ASCC1: variants seen among roughly 807,000 people sequenced by gnomAD.
The protein encoded by ASCC1 is ASC-1 complex subunit P50.
A neutral mutation model predicts 46.6 loss-of-function variants in ASCC1; 35 were observed. The observed-to-expected ratio is 0.75, with a 90% confidence interval of 0.57 to 0.99. The LOEUF is 0.99. ASCC1 is among the 50% of genes least tolerant of loss of function. ASCC1 has a pLI of 0.00. For synonymous variants in ASCC1, 143 were observed against 146.6 expected, an observed-to-expected ratio of 0.98 and a Z score of 0.18; for missense variants, 376 against 428.7, an observed-to-expected ratio of 0.88 and a Z score of 1.09.
intron 4 of ASCC1, among the ~76,000 whole-genome samples, chr10:72,198,960 G>A (rs937905121): frequency 1.5e-4 from 22 of 150,408 alleles, no homozygotes; most frequent in African/African-American, 5.4e-4. Flanking sequence ...GGGATTACAG[G>A]CACGTGCCAC....
At chr10:72,175,006 T>G (rs1407686870) in intron 5 of ASCC1, among the ~76,000 whole-genome samples, 1 of 152,250 alleles carries the variant, frequency 6.6e-6, no homozygotes, top group Non-Finnish European at 1.5e-5. Context: ...TCCCCTATAC[T>G]CGTTGTATTT....
intron 5 of ASCC1, among the ~76,000 whole-genome samples, chr10:72,191,732 C>T (rs904914896): frequency 8.6e-5 from 13 of 151,886 alleles, no homozygotes; most frequent in African/African-American, 3.1e-4. Context: ...CTGCAACCTC[C>T]GCCTCCCAGG....
chr10:72,170,593 C>CAAAAA (rs1038487604), intron 5 of ASCC1, among the ~76,000 whole-genome samples: 6 of 58,742 alleles, frequency 1.0e-4, no homozygotes, highest in African/African-American at 2.0e-4. Context: ...GACTGTATCT[C>CAAAAA]AAAAAAAAAA....
rs144082052 is a variant in ASCC1 at position 72,108,122 on chromosome 10, G to C, written c.958-10672C>G. Among the ~76,000 whole-genome samples, 603 of 148,684 alleles carry C rather than the reference G, an allele frequency of 4.1e-3. 9 individuals are homozygous for C. Among genetic ancestry groups the C allele is most frequent in the African/African-American group, 0.013 (537 of 40,286 alleles). On this transcript the variant is annotated intron_variant, in intron 9 of 9. Transcript: ENST00000672957. ...AACAAGGTCTTACTCTGTCAGCCAG[G>C]CTGGAGTGCAGTGGCGTGATCACAG...
intron 1 of ASCC1, among the ~76,000 whole-genome samples, chr10:72,213,575 A>C (rs1589673389): frequency 6.9e-6 from 1 of 145,292 alleles, no homozygotes; most frequent in Non-Finnish European, 1.5e-5. Context: ...CCCCCCCCCC[A>C]AAAATGATTA....
Position 72,096,928 on chromosome 10 carries a change from ATG to A in ASCC1, c.*404_*405del, listed in dbSNP as rs1336302745. ...TGGGAGGAGTGGGAATTACTGTTTA[ATG>A]GGTACAGTTTCCATTTTACAAGCTG... is the stretch of plus-strand genomic sequence containing the variant. On this transcript the variant is annotated 3_prime_UTR_variant, in exon 10 of 10. Coordinates refer to ENST00000672957, the MANE Select transcript of ASCC1 (RefSeq NM_001198800.3). 1 of 454,256 alleles carries A rather than the reference ATG, an allele frequency of 2.2e-6. No individual in the cohort carries two copies. 28.1% of individuals were successfully genotyped at this position (454,256 alleles called of 1,614,324 possible). A position where few individuals can be genotyped will look rare whatever the true frequency, so the allele number is the denominator to read the frequency against.
intron 5 of ASCC1, among the ~76,000 whole-genome samples, chr10:72,195,789 G>A (rs61853776): frequency 0.42 from 63,089 of 150,182 alleles, 14,247 homozygotes; most frequent in Non-Finnish European, 0.52. Flanking sequence ...AGCCAAGATC[G>A]AGCCATTGCA....
chr10:72,109,623 G>A (rs1416130772), intron 9 of ASCC1, among the ~76,000 whole-genome samples: 1 of 152,152 alleles, frequency 6.6e-6, no homozygotes, highest in African/African-American at 2.4e-5. Context: ...GCTGATGTAA[G>A]GATTATCAAG....
chr10:72,096,810 A>G lies in ASCC1; in HGVS notation c.*524T>C, dbSNP rs1376273051. On this transcript the variant is annotated 3_prime_UTR_variant, in exon 10 of 10. Coordinates refer to ENST00000672957, the MANE Select transcript of ASCC1 (RefSeq NM_001198800.3). Reference sequence around the variant, plus strand: ...ATGCTAAGTGAAATAAGCCAGTCACAAAAAGACAAGTCACTGTATGATTCC... The same window carrying G: ...ATGCTAAGTGAAATAAGCCAGTCACGAAAAGACAAGTCACTGTATGATTCC... 2 of 454,150 alleles carry G rather than the reference A, an allele frequency of 4.4e-6. No individual in the cohort carries two copies. Among genetic ancestry groups the G allele is most frequent in the Non-Finnish European group, 8.8e-6 (2 of 226,794 alleles). 28.1% of individuals were successfully genotyped at this position (454,150 alleles called of 1,614,324 possible).
chr10:72,128,263 C>T, intron 8 of ASCC1, 96 bp from the exon 9 acceptor site: 1 of 991,736 alleles, frequency 1.0e-6, no homozygotes, highest in Non-Finnish European at 1.6e-6. Flanking sequence ...GCAAAATTTT[C>T]ATGAACTACC....
intron 4 of ASCC1, 51 bp from the exon 5 acceptor site, chr10:72,197,040 T>TA (rs762155605): frequency 1.3e-6 from 2 of 1,589,260 alleles, no homozygotes; most frequent in Admixed American, 1.7e-5. Context: ...CAAATGCTTA[T>TA]AAAACAGGAC....
rs1003249974 is a variant in ASCC1, at chr10:72,107,190, GA to G, written c.958-9741del. ...CCAGACTAAAAATATAATCGATTTTGAAAAAAAAAAAATCAAGGTTCTTCGT... is the reference window on the plus strand; with the variant it reads ...CCAGACTAAAAATATAATCGATTTTGAAAAAAAAAAATCAAGGTTCTTCGT... On this transcript the variant is annotated intron_variant, in intron 9 of 9. Transcript: ENST00000672957. 3.5e-4 allele frequency among the ~76,000 whole-genome samples: 49 copies of G among 138,818 alleles called. No individual in the cohort carries two copies. In the East Asian group the frequency reaches 4.0e-3, roughly 11 times the overall value. 91.1% of individuals were successfully genotyped at this position (138,818 alleles called of 152,430 possible). A position where few individuals can be genotyped will look rare whatever the true frequency, so the allele number is the denominator to read the frequency against.
At chr10:72,206,447 A>G (rs1857229358) in intron 3 of ASCC1, among the ~76,000 whole-genome samples, 1 of 152,148 alleles carries the variant, frequency 6.6e-6, no homozygotes, top group African/African-American at 2.4e-5. Context: ...TGGAATGAAT[A>G]ATACCTATTT....
intron 7 of ASCC1, among the ~76,000 whole-genome samples, chr10:72,138,145 G>A (rs762396322): frequency 9.2e-5 from 14 of 152,322 alleles, no homozygotes; most frequent in East Asian, 1.9e-4. Context: ...GATTACAGGC[G>A]TGAGCCACTG....
chr10:72,159,957 T>C (rs1024265087), intron 6 of ASCC1, among the ~76,000 whole-genome samples: 2 of 148,182 alleles, frequency 1.3e-5, no homozygotes, highest in Non-Finnish European at 3.0e-5. Flanking sequence ...CAGGCTGGAG[T>C]GCAGTGGCGC....
At chr10:72,185,371 G>C (rs1457817652) in intron 5 of ASCC1, among the ~76,000 whole-genome samples, 1 of 152,130 alleles carries the variant, frequency 6.6e-6, no homozygotes, top group African/African-American at 2.4e-5. Flanking sequence ...ACATCTATCA[G>C]AGTTGAATAG....
Position 72,196,868 on chromosome 10 carries a change from A to C in ASCC1, c.432T>G (p.Val144=), listed in dbSNP as rs1855510783. 1 of 1,613,524 alleles carries C rather than the reference A, an allele frequency of 6.2e-7. No homozygotes were observed. The highest frequency in any genetic ancestry group is 1.3e-5 in the African/African-American group (1 of 74,980). The change falls in exon 5 of 10, where the codon GTT becomes GTG. Residue 144 remains valine, a synonymous_variant. Transcript: ENST00000672957. The part of the protein sequence containing the change: ...THFLAFFLNE[V]EVQEGFLRFQ... ...ATCTCAGGAATCCTTCCTGAACCTC[A>C]ACTTCATTGAGGAAAAAGGCAAGGA...
intron 5 of ASCC1, chr10:72,190,539 G>C: frequency 6.6e-7 from 1 of 1,513,824 alleles, no homozygotes. Flanking sequence ...GCAGCTTGGA[G>C]AAGGCGCAAT....
chr10:72,160,613 C>A (rs962122839), intron 6 of ASCC1, among the ~76,000 whole-genome samples: 25 of 151,912 alleles, frequency 1.6e-4, no homozygotes, highest in African/African-American at 5.8e-4. Context: ...GTAATCCCAG[C>A]ACTTTTGGAG....
Sources: gnomAD v4.1 joint callset for allele counts (sites outside exome capture counted in the v4.1 genomes callset) on GRCh38, gnomAD v4.1.1 for gene constraint, MANE v1.5 for transcripts, NCBI Gene and HGNC (gene_info 2026-07-23, HGNC 2026-07-21) for gene names.